The following XYLT1 variants were observed in gnomAD, a reference collection of about 807,000 sequenced individuals.
XYLT1 encodes beta-D-xylosyltransferase 1.
Under a neutral mutation model 91.3 loss-of-function variants are expected in XYLT1, and 36 were observed. The observed-to-expected ratio is 0.39, with a 90% CI of 0.30 to 0.52. The LOEUF is 0.52. Among genes scored for constraint, XYLT1 ranks in the 20% least tolerant of loss-of-function variants. The probability of loss-of-function intolerance (pLI) is 0.68; values close to 1 mark genes in which losing one functional copy is unlikely to be tolerated. For synonymous variants in XYLT1, 588 were observed against 532.0 expected (o/e 1.11, Z -1.45); for missense variants, 1,242 against 1,284.5 (o/e 0.97, Z 0.51).
At chr16:17,165,772 T>A (rs571200885) in intron 5 of XYLT1, among the ~76,000 whole-genome samples, 58 of 152,310 alleles carry the variant, frequency 3.8e-4, no homozygotes, top group African/African-American at 1.3e-3. Flanking sequence ...TTTCTCCCCC[T>A]TACAACTACT....
intron 6 of XYLT1, among the ~76,000 whole-genome samples, chr16:17,148,478 G>A (rs781070479): frequency 4.7e-4 from 71 of 152,170 alleles, no homozygotes; most frequent in Non-Finnish European, 9.4e-4. Context: ...GCTTACATCA[G>A]TGCCTACCAT....
chr16:17,194,042 CT>C (rs1263506710), intron 5 of XYLT1: 1 of 152,190 alleles, frequency 6.6e-6, no homozygotes, highest in Admixed American at 6.5e-5. Flanking sequence ...AGACAACTCT[CT>C]TTTCTGAACC....
intron 1 of XYLT1, among the ~76,000 whole-genome samples, chr16:17,362,408 G>A (rs1045794628): frequency 2.0e-5 from 3 of 152,208 alleles, no homozygotes; most frequent in African/African-American, 4.8e-5. Flanking sequence ...CGATTCAGTA[G>A]CTAGCTCTAT....
At chr16:17,445,431 G>C (rs935119355) in intron 1 of XYLT1, among the ~76,000 whole-genome samples, 2 of 152,230 alleles carry the variant, frequency 1.3e-5, no homozygotes, top group African/African-American at 4.8e-5. Flanking sequence ...GAGTGAGTCG[G>C]CTGGAGGCCA....
intron 3 of XYLT1, among the ~76,000 whole-genome samples, chr16:17,254,780 C>T (rs2033603164): frequency 6.6e-6 from 1 of 152,112 alleles, no homozygotes; most frequent in African/African-American, 2.4e-5. Context: ...TACCAGTAAG[C>T]TTTCAGTCAA....
chr16:17,172,715 C>T (rs187285436), intron 5 of XYLT1, among the ~76,000 whole-genome samples: 39 of 152,208 alleles, frequency 2.6e-4, no homozygotes, highest in Non-Finnish European at 5.0e-4. Flanking sequence ...TCAGGTGATC[C>T]GCCTGCCTCA....
chr16:17,208,386 C>T (rs931580318), intron 3 of XYLT1, among the ~76,000 whole-genome samples: 1 of 151,884 alleles, frequency 6.6e-6, no homozygotes. Context: ...TGCTGAGTAT[C>T]CCTTATGTGA....
chr16:17,113,321 T>C (rs1229355705), intron 11 of XYLT1, among the ~76,000 whole-genome samples: 2 of 151,566 alleles, frequency 1.3e-5, no homozygotes, highest in African/African-American at 2.4e-5. Flanking sequence ...TTTTGTACTT[T>C]TAGGAGAGAC....
intron 3 of XYLT1, among the ~76,000 whole-genome samples, chr16:17,230,328 C>T (rs1277111688): frequency 3.3e-5 from 5 of 152,174 alleles, no homozygotes; most frequent in Admixed American, 1.3e-4. Context: ...TCCACCTCCT[C>T]GTCTGAAGCT....
rs117771778 is a variant in XYLT1, at chr16:17,184,329, G to C, written c.1289+13883C>G. Among the ~76,000 whole-genome samples the C allele has an allele frequency of 6.6e-5, 10 of 152,026 alleles. No individual in the cohort carries two copies. The East Asian group carries it at 1.5e-3, about 24-fold the overall frequency. ...AGAATTGTGAGATCTGGAGAGGGAG[G>C]GATTCGGAAGAAAATACATTGCAAA... On this transcript the variant is annotated intron_variant, in intron 5 of 11. Transcript: ENST00000261381.
chr16:17,108,501 G>T lies in XYLT1; in HGVS notation c.*194C>A. ...GTGCAGGGACTGAGCCATCCCACCC[G>T]CAGCTTGCCAAAGGCAGGTTGTTGG... On this transcript the variant is annotated 3_prime_UTR_variant, in exon 12 of 12. Coordinates refer to ENST00000261381, the MANE Select transcript of XYLT1 (RefSeq NM_022166.4). 1 of 551,398 alleles carries T rather than the reference G, an allele frequency of 1.8e-6. No individual in the cohort carries two copies. The highest frequency in any genetic ancestry group is 3.1e-6 in the Non-Finnish European group (1 of 320,192). The allele number at this position is 551,398 out of a possible 1,614,324, so 34.2% of individuals were successfully genotyped here.
At chr16:17,321,712 G>A (rs762606513) in intron 2 of XYLT1, among the ~76,000 whole-genome samples, 1 of 152,098 alleles carries the variant, frequency 6.6e-6, no homozygotes, top group Non-Finnish European at 1.5e-5. Flanking sequence ...ATTTTGCCCT[G>A]TAGGGGACAT....
At position 17,241,326 on chromosome 16, in the gene XYLT1, C is replaced by G. The variant is rs140475443; in HGVS notation, c.913+17662G>C. On this transcript the variant is annotated intron_variant, in intron 3 of 11. Transcript: ENST00000261381. ...CTCTTTGAGGTTTAGGCTGAGAAAG[C>G]AATGGCAACAGCACCTCTAAATTCT... Among the ~76,000 whole-genome samples, 80 of 152,338 alleles carry G rather than the reference C, an allele frequency of 5.3e-4. No homozygotes were observed. The East Asian group carries it at 0.011, about 21-fold the overall frequency.
chr16:17,218,669 C>T (rs1322441576), intron 3 of XYLT1, among the ~76,000 whole-genome samples: 2 of 152,172 alleles, frequency 1.3e-5, no homozygotes, highest in Non-Finnish European at 2.9e-5. Flanking sequence ...TTTGCTATTA[C>T]TCCGGCCCCC....
intron 3 of XYLT1, among the ~76,000 whole-genome samples, chr16:17,258,744 C>A (rs1030016274): frequency 6.6e-6 from 1 of 152,192 alleles, no homozygotes; most frequent in Non-Finnish European, 1.5e-5. Context: ...TAATTTCATC[C>A]TTTGCCATAA....
intron 5 of XYLT1, among the ~76,000 whole-genome samples, chr16:17,161,939 TTAAAA>T (rs1323769839): frequency 6.6e-6 from 1 of 152,080 alleles, no homozygotes; most frequent in African/African-American, 2.4e-5. Flanking sequence ...GAAATAAATG[TTAAAA>T]TAAACTTACT....
intron 11 of XYLT1, among the ~76,000 whole-genome samples, chr16:17,110,799 A>C (rs1222569245): frequency 6.6e-6 from 1 of 152,168 alleles, no homozygotes; most frequent in Non-Finnish European, 1.5e-5. Flanking sequence ...GGCAGTGCTT[A>C]TCACTCACCC....
intron 5 of XYLT1, among the ~76,000 whole-genome samples, chr16:17,174,967 T>C (rs555422224): frequency 7.2e-5 from 11 of 152,298 alleles, no homozygotes; most frequent in Non-Finnish European, 4.4e-5. Context: ...AGACAGGCTT[T>C]CATCATGTTG....
At chr16:17,181,169 A>G (rs1217581437) in intron 5 of XYLT1, among the ~76,000 whole-genome samples, 1 of 152,182 alleles carries the variant, frequency 6.6e-6, no homozygotes, top group Non-Finnish European at 1.5e-5. Context: ...AGGCCAGTAA[A>G]CACTAGGGCT....
Sources: allele counts gnomAD v4.1 joint callset (sites outside exome capture counted in the v4.1 genomes callset), GRCh38; gene constraint gnomAD v4.1.1; transcripts MANE v1.5; gene names NCBI Gene and HGNC (gene_info 2026-07-23, HGNC 2026-07-21).